The following PDE1C variants were observed in gnomAD, a reference collection of about 807,000 sequenced individuals.
PDE1C encodes phosphodiesterase 1C.
Under a neutral mutation model 93.1 loss-of-function variants are expected in PDE1C, and 62 were observed. That is an observed-to-expected ratio of 0.67 (90% CI 0.54 to 0.82). The LOEUF (loss-of-function observed/expected upper bound fraction) is 0.82. Among genes scored for constraint, PDE1C ranks in the 40% least tolerant of loss-of-function variants. PDE1C has a pLI of 0.00. For missense variants in PDE1C, 742 were observed against 884.6 expected (o/e 0.84, Z 2.04); for synonymous variants, 325 against 310.1 (o/e 1.05, Z -0.50).
intron 1 of PDE1C, among the ~76,000 whole-genome samples, chr7:32,423,035 AC>A (rs1785463252): frequency 6.6e-6 from 1 of 152,140 alleles, no homozygotes; most frequent in South Asian, 2.1e-4. Context: ...TCAAACTGTG[AC>A]CCTTTGACTA....
chr7:32,216,975 C>T (rs1427725415), intron 1 of PDE1C, among the ~76,000 whole-genome samples: 1 of 152,144 alleles, frequency 6.6e-6, no homozygotes, highest in Non-Finnish European at 1.5e-5. Context: ...CCGCCTGGCC[C>T]CTGGTACTAG....
chr7:31,782,285 C>T (rs1437514254), intron 16 of PDE1C, among the ~76,000 whole-genome samples: 1 of 151,788 alleles, frequency 6.6e-6, no homozygotes. Flanking sequence ...ATTAACTATA[C>T]TATATGGCCT....
chr7:32,166,216 G>C (rs1451869401), intron 3 of PDE1C, among the ~76,000 whole-genome samples: 2 of 152,098 alleles, frequency 1.3e-5, no homozygotes, highest in African/African-American at 4.8e-5. Context: ...GTGGGGGAGA[G>C]AAAAACAGAG....
chr7:32,112,116 G>A (rs567308187), intron 3 of PDE1C, among the ~76,000 whole-genome samples: 4 of 152,202 alleles, frequency 2.6e-5, no homozygotes, highest in South Asian at 2.1e-4. Context: ...TGAAGAGCAC[G>A]TGTCTCTCTC....
chr7:31,664,446 G>A, the PDE1C span, among the ~76,000 whole-genome samples: 150 of 152,280 alleles, frequency 9.9e-4, 1 homozygote, highest in Admixed American at 6.3e-3. Flanking sequence ...GATGATGATT[G>A]TGCTAATTAA....
intron 1 of PDE1C, among the ~76,000 whole-genome samples, chr7:32,226,832 T>C (rs1807310364): frequency 1.3e-5 from 2 of 152,088 alleles, no homozygotes; most frequent in Non-Finnish European, 2.9e-5. Context: ...TATTAATACA[T>C]CACCACCAAT....
At chr7:32,119,090 C>T (rs1371829969) in intron 3 of PDE1C, among the ~76,000 whole-genome samples, 2 of 152,078 alleles carry the variant, frequency 1.3e-5, no homozygotes, top group Non-Finnish European at 2.9e-5. Flanking sequence ...TTTATTTTCC[C>T]TTCTCTCTCT....
chr7:31,831,040 C>A lies in PDE1C; in HGVS notation c.1204-2667G>T, dbSNP rs1156533188. 1.3e-5 allele frequency among the ~76,000 whole-genome samples: 2 copies of A among 152,130 alleles called. 1 individual carries two copies. The highest frequency in any genetic ancestry group is 4.1e-4 in the South Asian group (2 of 4,820). On this transcript the variant is annotated intron_variant, in intron 11 of 17. Coordinates refer to ENST00000396191, the MANE Select transcript of PDE1C (RefSeq NM_001191057.4). ...TTGGAAGTTCACAGAGAAGATGGCA[C>A]CTGTCAATGCAAGAGCTTCCAAAGA... is the stretch of plus-strand genomic sequence containing the variant.
At chr7:32,291,983 C>CCT (rs1480328134) in intron 1 of PDE1C, among the ~76,000 whole-genome samples, 3 of 152,170 alleles carry the variant, frequency 2.0e-5, no homozygotes, top group Middle Eastern at 3.2e-3. Flanking sequence ...GTGCTTTTCT[C>CCT]CTCTGTGGTT....
At chr7:32,287,879 G>C (rs939943087) in intron 1 of PDE1C, among the ~76,000 whole-genome samples, 1 of 152,220 alleles carries the variant, frequency 6.6e-6, no homozygotes, top group Non-Finnish European at 1.5e-5. Context: ...TGGTTCCCAG[G>C]TTTCTAGTTC....
Position 32,311,894 on chromosome 7 carries a change from G to T in PDE1C, c.311-102355C>A, listed in dbSNP as rs534422199. Among the ~76,000 whole-genome samples the T allele has an allele frequency of 1.3e-5, 2 of 152,222 alleles. 1 individual carries two copies. The highest frequency in any genetic ancestry group is 4.2e-4 in the South Asian group (2 of 4,808). On this transcript the variant is annotated intron_variant, in intron 1 of 1. Coordinates refer to the PDE1C transcript ENST00000672256. ...ACTCCTATTCAACATAGTGTTGGAA[G>T]TTCTGGCCAGGGCAATTAGGCAGGA...
At chr7:31,849,034 T>C (rs7803484) in intron 8 of PDE1C, among the ~76,000 whole-genome samples, 13,016 of 152,294 alleles carry the variant, frequency 0.085, 617 homozygotes, top group East Asian at 0.2. Flanking sequence ...ACAGGGCCAA[T>C]GTTTAAATTT....
At chr7:32,093,669 C>G (rs914158789) in intron 3 of PDE1C, among the ~76,000 whole-genome samples, 28 of 152,186 alleles carry the variant, frequency 1.8e-4, no homozygotes, top group African/African-American at 6.8e-4. Context: ...TGTCATTTGG[C>G]AAAGAGCCCT....
intron 2 of PDE1C, among the ~76,000 whole-genome samples, chr7:32,048,567 C>G (rs973300770): frequency 1.3e-5 from 2 of 152,074 alleles, no homozygotes; most frequent in East Asian, 1.9e-4. Flanking sequence ...AGACTCCTAA[C>G]GTGAGCAAAG....
chr7:32,212,360 C>T (rs1123868), intron 1 of PDE1C, among the ~76,000 whole-genome samples: 19,968 of 152,138 alleles, frequency 0.13, 1,406 homozygotes, highest in Non-Finnish European at 0.15. Context: ...CAAGTCACGC[C>T]AGGAAAGGCA....
At chr7:32,177,332 T>A (rs1038751996) in intron 2 of PDE1C, among the ~76,000 whole-genome samples, 1 of 152,192 alleles carries the variant, frequency 6.6e-6, no homozygotes, top group African/African-American at 2.4e-5. Flanking sequence ...AGGTGCAATG[T>A]CAAGTCGTCA....
At chr7:32,222,294 C>T (rs560954136) in intron 1 of PDE1C, among the ~76,000 whole-genome samples, 2 of 152,332 alleles carry the variant, frequency 1.3e-5, no homozygotes, top group Admixed American at 1.3e-4. Flanking sequence ...AAATGAGGCA[C>T]AGGACATTCC....
chr7:31,870,829 T>C (rs1316493783), intron 6 of PDE1C, among the ~76,000 whole-genome samples: 2 of 151,966 alleles, frequency 1.3e-5, no homozygotes, highest in Non-Finnish European at 2.9e-5. Context: ...CAGGCCACTA[T>C]CCTTGATCAC....
intron 9 of PDE1C, among the ~76,000 whole-genome samples, chr7:31,846,623 A>C (rs985717262): frequency 3.3e-5 from 5 of 152,176 alleles, no homozygotes; most frequent in Non-Finnish European, 5.9e-5. Context: ...GCCAGAATTG[A>C]CAAATGGGAT....
Sources: allele counts gnomAD v4.1 joint callset (sites outside exome capture counted in the v4.1 genomes callset), GRCh38; gene constraint gnomAD v4.1.1; transcripts MANE v1.5; gene names NCBI Gene and HGNC (gene_info 2026-07-23, HGNC 2026-07-21).